DCDC1: variants seen among roughly 807,000 people sequenced by gnomAD.
DCDC1 encodes the protein doublecortin domain-containing protein 1.
DCDC1 carries 200 observed loss-of-function variants against 178.3 expected under a neutral mutation model. The observed-to-expected ratio is 1.12, with a 90% CI of 1.00 to 1.26. The LOEUF (loss-of-function observed/expected upper bound fraction) is 1.26. Ranked by LOEUF, DCDC1 falls within the 50% of genes most tolerant of loss-of-function variation. The pLI, the probability that DCDC1 is intolerant of heterozygous loss-of-function variation, is 0.00. For synonymous variants in DCDC1, 690 were observed against 604.8 expected, an observed-to-expected ratio of 1.14 and a Z score of -2.07; for missense variants, 1,983 against 1,749.2, an observed-to-expected ratio of 1.13 and a Z score of -2.38.
At position 30,911,479 on chromosome 11, in the gene DCDC1, T is replaced by C; in HGVS notation, c.3654-59A>G. The C allele has an allele frequency of 3.0e-6, 4 of 1,329,950 alleles. No homozygotes were observed. In the East Asian group the frequency reaches 7.5e-5, roughly 25 times the overall value. 82.4% of individuals were successfully genotyped at this position (1,329,950 alleles called of 1,614,324 possible). On this transcript the variant is annotated intron_variant, in intron 27 of 38. Transcript: ENST00000684477. ...AGCATGACCAGATTAGATCTCCCTC[T>C]GTGCCACTTAGCACTGTGTTGCCTC... is the stretch of plus-strand genomic sequence containing the variant.
At chr11:31,213,100 CCTCTCTCTCTCT>C (rs71060480) in intron 9 of DCDC1, among the ~76,000 whole-genome samples, 3,667 of 44,216 alleles carry the variant, frequency 0.083, 352 homozygotes, top group Non-Finnish European at 0.12. Flanking sequence ...TAAAGCCCAG[CCTCTCTCTCTCT>C]CTCTCTCTCT....
intron 26 of DCDC1, among the ~76,000 whole-genome samples, chr11:30,916,149 T>C (rs1274149814): frequency 6.6e-6 from 1 of 152,180 alleles, no homozygotes; most frequent in Non-Finnish European, 1.5e-5. Context: ...CAGAACACCA[T>C]TCTCCAAGTT....
At chr11:31,107,961 C>A (rs1958961419) in intron 12 of DCDC1, among the ~76,000 whole-genome samples, 1 of 152,104 alleles carries the variant, frequency 6.6e-6, no homozygotes, top group Admixed American at 6.6e-5. Context: ...CCTTTCTTTT[C>A]TTTTCTTTTT....
chr11:31,114,393 CTG>C (rs1422359486), intron 11 of DCDC1, among the ~76,000 whole-genome samples: 1 of 152,084 alleles, frequency 6.6e-6, no homozygotes, highest in African/African-American at 2.4e-5. Context: ...TAAATGCACC[CTG>C]TGTAGGTTAG....
intron 9 of DCDC1, among the ~76,000 whole-genome samples, chr11:31,218,845 A>G (rs565930501): frequency 6.6e-6 from 1 of 152,296 alleles, no homozygotes; most frequent in African/African-American, 2.4e-5. Flanking sequence ...AAAAATCCCA[A>G]TATTATGACA....
chr11:31,082,590 GATATAGATATCT>G (rs1176869591), intron 17 of DCDC1, among the ~76,000 whole-genome samples: 3 of 113,542 alleles, frequency 2.6e-5, no homozygotes, highest in East Asian at 4.4e-4. Context: ...ATATGATATA[GATATAGATATCT>G]ATATCTATAC....
At chr11:31,265,673 A>G (rs940390661) in intron 7 of DCDC1, 73 bp from the exon 8 acceptor site, 68 of 558,024 alleles carry the variant, frequency 1.2e-4, no homozygotes, top group Non-Finnish European at 1.7e-4. Context: ...ACTCTTTTCT[A>G]TACTACACAG....
chr11:31,338,452 G>A (rs1950379426), intron 1 of DCDC1, among the ~76,000 whole-genome samples: 1 of 152,168 alleles, frequency 6.6e-6, no homozygotes, highest in Non-Finnish European at 1.5e-5. Flanking sequence ...AAGAATAGGT[G>A]GTTATGTTCT....
chr11:30,897,611 T>TAAAA (rs1944339975), intron 34 of DCDC1, among the ~76,000 whole-genome samples: 1 of 139,614 alleles, frequency 7.2e-6, no homozygotes, highest in Non-Finnish European at 1.6e-5. Flanking sequence ...AAAAATTGAA[T>TAAAA]ACTTAATTGT....
intron 9 of DCDC1, among the ~76,000 whole-genome samples, chr11:31,142,087 T>C (rs758969826): frequency 2.0e-5 from 3 of 152,294 alleles, no homozygotes; most frequent in East Asian, 1.9e-4. Flanking sequence ...CTGGCTGCCA[T>C]TTATGTATGG....
chr11:31,282,712 T>G (rs1946536541), intron 7 of DCDC1, among the ~76,000 whole-genome samples: 1 of 152,130 alleles, frequency 6.6e-6, no homozygotes, highest in Non-Finnish European at 1.5e-5. Flanking sequence ...TTTCTTCCAG[T>G]GAAAAATATC....
chr11:31,101,883 C>A (rs1223427232), intron 15 of DCDC1, among the ~76,000 whole-genome samples: 1 of 152,110 alleles, frequency 6.6e-6, no homozygotes, highest in Non-Finnish European at 1.5e-5. Context: ...TCGAGACCAG[C>A]CTGGCCAACA....
intron 18 of DCDC1, among the ~76,000 whole-genome samples, chr11:31,077,099 C>T (rs889374640): frequency 3.3e-5 from 5 of 152,118 alleles, no homozygotes; most frequent in African/African-American, 1.2e-4. Context: ...AGAATCCTCT[C>T]GTCTGCCACC....
At chr11:30,877,951 G>T (rs537994878) in intron 38 of DCDC1, among the ~76,000 whole-genome samples, 75 of 152,044 alleles carry the variant, frequency 4.9e-4, no homozygotes, top group African/African-American at 1.8e-3. Context: ...TGGAATGTTC[G>T]ATTATATATA....
chr11:31,185,919 C>T (rs930181777), intron 9 of DCDC1, among the ~76,000 whole-genome samples: 1 of 152,182 alleles, frequency 6.6e-6, no homozygotes, highest in Non-Finnish European at 1.5e-5. Context: ...GTATATCAAA[C>T]ATGTTAAGCC....
rs939119414 is a variant in DCDC1 at position 31,329,868 on chromosome 11, A to G, written c.-6-1582T>C. Among the ~76,000 whole-genome samples the G allele has an allele frequency of 4.6e-5, 7 of 152,196 alleles. 1 individual carries two copies. The highest frequency in any genetic ancestry group is 1.0e-4 in the Non-Finnish European group (7 of 68,038). On this transcript the variant is annotated intron_variant, in intron 2 of 38. Coordinates refer to ENST00000684477, the MANE Select transcript of DCDC1 (RefSeq NM_001387274.1). Reference sequence around the variant, plus strand: ...AGTGCCACAATAAACATACGTGTACATGTGTCTTTATAGCAGCATGATTTA... The same window carrying G: ...AGTGCCACAATAAACATACGTGTACGTGTGTCTTTATAGCAGCATGATTTA...
chr11:30,994,783 T>A (rs1565164035), intron 20 of DCDC1, among the ~76,000 whole-genome samples: 1 of 145,884 alleles, frequency 6.9e-6, no homozygotes, highest in Non-Finnish European at 1.5e-5. Context: ...ATATTTATTA[T>A]AATAAATATA....
intron 20 of DCDC1, among the ~76,000 whole-genome samples, chr11:30,975,498 C>T (rs1043152071): frequency 6.6e-6 from 1 of 151,842 alleles, no homozygotes. Flanking sequence ...TGAAAACAAA[C>T]CTCTGAGATA....
At chr11:31,166,361 C>G (rs761457854) in intron 9 of DCDC1, among the ~76,000 whole-genome samples, 1 of 152,056 alleles carries the variant, frequency 6.6e-6, no homozygotes, top group African/African-American at 2.4e-5. Context: ...GTGAAACAAA[C>G]TGAAATACGA....
Sources: gnomAD v4.1 joint callset for allele counts (sites outside exome capture counted in the v4.1 genomes callset) on GRCh38, gnomAD v4.1.1 for gene constraint, MANE v1.5 for transcripts, NCBI Gene and HGNC (gene_info 2026-07-23, HGNC 2026-07-21) for gene names.